PRAM1: variants seen among roughly 807,000 people sequenced by gnomAD.
PRAM1 encodes PML-RARA-regulated adapter molecule 1.
PRAM1 carries 41 observed loss-of-function variants against 55.3 expected under a neutral mutation model. The observed-to-expected ratio is 0.74, with a 90% CI of 0.58 to 0.96. The LOEUF is 0.96. Among genes scored for constraint, PRAM1 ranks in the 40% least tolerant of loss-of-function variants. The probability of loss-of-function intolerance (pLI) is 0.00; values close to 1 mark genes in which losing one functional copy is unlikely to be tolerated. For missense variants in PRAM1, 898 were observed against 892.7 expected, an observed-to-expected ratio of 1.01 and a Z score of -0.08; for synonymous variants, 401 against 387.1, an observed-to-expected ratio of 1.04 and a Z score of -0.42.
intron 4 of PRAM1, among the ~76,000 whole-genome samples, chr19:8,495,235 G>T (rs926024645): frequency 2.6e-5 from 4 of 152,044 alleles, no homozygotes; most frequent in Non-Finnish European, 5.9e-5. Context: ...TAGTAGCTGG[G>T]ACTACAGGCA....
rs1032995560 is a variant in PRAM1 at position 8,495,610 on chromosome 19, G to A, written c.1576+2154C>T. 6.6e-5 allele frequency among the ~76,000 whole-genome samples: 10 copies of A among 151,822 alleles called. 1 individual carries two copies. Among genetic ancestry groups the A allele is most frequent in the African/African-American group, 1.5e-4 (6 of 41,372 alleles). ...GTGGGGATTTGGGAGTGGAGGGTAC[G>A]GATTTAGGGACAGGCAGGCAAGGTG... is the stretch of plus-strand genomic sequence containing the variant. On this transcript the variant is annotated intron_variant, in intron 4 of 9. Coordinates refer to ENST00000423345, the MANE Select transcript of PRAM1 (RefSeq NM_032152.5).
At chr19:8,496,061 CCT>C (rs1218393703) in intron 4 of PRAM1, 14 of 455,992 alleles carry the variant, frequency 3.1e-5, no homozygotes, top group East Asian at 1.4e-4. Flanking sequence ...CACACCTCCC[CCT>C]GAGTTTCAGG....
intron 5 of PRAM1, 45 bp downstream of exon 5, chr19:8,491,055 C>T (rs1424779155): frequency 5.0e-6 from 8 of 1,611,692 alleles, no homozygotes; most frequent in Non-Finnish European, 6.8e-6. Context: ...TCTGGGGGTT[C>T]CTGGAGCTCG....
chr19:8,497,647 T>A, intron 4 of PRAM1, 117 bp downstream of exon 4: 1 of 787,934 alleles, frequency 1.3e-6, no homozygotes, highest in Admixed American at 2.7e-5. Context: ...CTTATGTAGT[T>A]CCACCCAGCA....
intron 3 of PRAM1, 96 bp downstream of exon 3, chr19:8,498,127 A>T: frequency 7.5e-7 from 1 of 1,324,514 alleles, no homozygotes; most frequent in East Asian, 2.5e-5. Context: ...AGATCCGCCC[A>T]CTTCAGCCTC....
Position 8,498,418 on chromosome 19 carries a change from C to A in PRAM1, c.1390G>T (p.Val464Leu). The change falls in exon 2 of 10, where the codon GTG becomes TTG. Residue 464 changes from valine (V) to leucine (L), a missense_variant. Val to Leu is a conservative substitution (Grantham distance 32). This residue lies in a region of PRAM1 where 787 missense variants were observed against 735.4 expected (regional missense o/e 1.07). Transcript: ENST00000423345. ...GGTCTCCGAAAGCTCTGCATATCCA[C>A]GGGCCCCGGGGGCAGCGGGGGCTTG... Reference protein sequence around the residue: ...PAKPPLPPGPVDMQSFRRPSA... With the variant: ...PAKPPLPPGPLDMQSFRRPSA... 1.9e-6 allele frequency: 3 copies of A among 1,577,304 alleles called. No homozygotes were observed. The highest frequency in any genetic ancestry group is 2.6e-6 in the Non-Finnish European group (3 of 1,159,964).
chr19:8,491,225 T>G, intron 4 of PRAM1, 68 bp from the exon 5 acceptor site: 1 of 1,464,084 alleles, frequency 6.8e-7, no homozygotes. Flanking sequence ...GGTAGCTGTT[T>G]TTTGTTTGTT....
chr19:8,497,686 G>T, intron 4 of PRAM1, 78 bp downstream of exon 4: 2 of 1,226,336 alleles, frequency 1.6e-6, no homozygotes, highest in Non-Finnish European at 2.3e-6. Context: ...AATGTTACTT[G>T]CTCTTACACC....
At chr19:8,495,703 A>G (rs551736819) in intron 4 of PRAM1, among the ~76,000 whole-genome samples, 1 of 142,134 alleles carries the variant, frequency 7.0e-6, no homozygotes, top group South Asian at 2.2e-4. Flanking sequence ...GGATTTAAGG[A>G]CGGATTTAAG....
intron 4 of PRAM1, 99 bp downstream of exon 4, chr19:8,497,665 G>T: frequency 1.1e-6 from 1 of 950,502 alleles, no homozygotes; most frequent in Non-Finnish European, 1.6e-6. Context: ...GCAGGAGCCA[G>T]CAGGTCCTAA....
At chr19:8,500,469 G>T (rs995456056) in intron 1 of PRAM1, among the ~76,000 whole-genome samples, 3 of 152,082 alleles carry the variant, frequency 2.0e-5, no homozygotes, top group Non-Finnish European at 4.4e-5. Context: ...ATGGCAGCTG[G>T]AGGGAGAAGC....
Position 8,490,235 on chromosome 19 carries a change from G to C in PRAM1, c.1976-9C>G. The C allele has an allele frequency of 6.2e-7, 1 of 1,607,264 alleles. No individual in the cohort carries two copies. ...TTGGTTTTCCAGGGGATCTGCCGAGGAAGCGTGACTTCCATGGACCCCTCT... is the reference window on the plus strand; with the variant it reads ...TTGGTTTTCCAGGGGATCTGCCGAGCAAGCGTGACTTCCATGGACCCCTCT... On this transcript the variant is annotated splice_polypyrimidine_tract_variant and intron_variant, in intron 9 of 9. Transcript: ENST00000423345. This position sits in a 1 kb window ranked among gnomAD's most constrained non-coding sequence, Gnocchi z 7.3.
chr19:8,491,046 C>G, intron 5 of PRAM1, 51 bp from the exon 6 acceptor site: 1 of 1,611,986 alleles, frequency 6.2e-7, no homozygotes. Context: ...TTGTGCTCCT[C>G]TGGGGGTTCC....
chr19:8,498,120 T>C, intron 3 of PRAM1, 103 bp downstream of exon 3: 1 of 1,238,210 alleles, frequency 8.1e-7, no homozygotes, highest in African/African-American at 1.5e-5. Flanking sequence ...CTTCAGGAGA[T>C]CCGCCCACTT....
At chr19:8,501,903 T>A (rs889696151) in intron 1 of PRAM1, among the ~76,000 whole-genome samples, 19 of 152,114 alleles carry the variant, frequency 1.2e-4, no homozygotes, top group African/African-American at 3.6e-4. Context: ...CTCACAGAGG[T>A]AGGCAGATTC....
intron 1 of PRAM1, among the ~76,000 whole-genome samples, chr19:8,501,507 A>ATTTTTTTTTTTTTTTTTTTTTTTT (rs773534887): frequency 9.7e-6 from 1 of 102,858 alleles, no homozygotes; most frequent in Non-Finnish European, 1.9e-5. Flanking sequence ...ATGTGTCTTG[A>ATTTTTTTTTTTTTTTTTTTTTTTT]TTTTTTTTTT....
At chr19:8,495,446 G>A (rs1329012214) in intron 4 of PRAM1, among the ~76,000 whole-genome samples, 1 of 152,012 alleles carries the variant, frequency 6.6e-6, no homozygotes, top group Non-Finnish European at 1.5e-5. Flanking sequence ...TTGCCATGCG[G>A]GCCAGGCTGG....
intron 4 of PRAM1, among the ~76,000 whole-genome samples, chr19:8,496,849 C>T (rs1024257185): frequency 2.0e-5 from 3 of 151,940 alleles, no homozygotes; most frequent in Non-Finnish European, 4.4e-5. Context: ...CACGGTGAAA[C>T]CCCATCTCTA....
rs1213012062 is a variant in PRAM1 at position 8,499,308 on chromosome 19, G to A, written c.500C>T (p.Pro167Leu). ...LPEPGAPARK[P>L]LQPDELSHPA... ...GTGACTGAGTTCGTCGGGCTGCAGGGGTTTCCGGGCCGGCGCACCAGGCTC... is the reference window on the plus strand; with the variant it reads ...GTGACTGAGTTCGTCGGGCTGCAGGAGTTTCCGGGCCGGCGCACCAGGCTC... Residue 167 changes from proline to leucine, a missense_variant, in exon 2 of 10, where the codon CCC becomes CTC. Coordinates refer to ENST00000423345, the MANE Select transcript of PRAM1 (RefSeq NM_032152.5). The A allele has an allele frequency of 3.1e-6, 5 of 1,610,458 alleles. No homozygotes were observed. Among genetic ancestry groups the A allele is most frequent in the Non-Finnish European group, 4.2e-6 (5 of 1,178,532 alleles).
Sources: allele counts gnomAD v4.1 joint callset (sites outside exome capture counted in the v4.1 genomes callset), GRCh38; gene constraint gnomAD v4.1.1; regional missense constraint gnomAD v4.1.1; non-coding constraint Gnocchi (gnomAD v3.1); transcripts MANE v1.5; gene names NCBI Gene and HGNC (gene_info 2026-07-23, HGNC 2026-07-21).